The following TSHZ3 variants were observed in gnomAD, a reference collection of about 807,000 sequenced individuals.
TSHZ3 encodes the protein teashirt homolog 3.
Under a neutral mutation model 64.5 loss-of-function variants are expected in TSHZ3, and 10 were observed. That is an observed-to-expected ratio of 0.16 (90% CI 0.10 to 0.26). The LOEUF (loss-of-function observed/expected upper bound fraction) is 0.26, where lower values mean the gene tolerates loss of function less well. TSHZ3 is among the 10% of genes least tolerant of loss of function. TSHZ3 has a pLI of 1.00. For missense variants in TSHZ3, 1,242 were observed against 1,421.7 expected (o/e 0.87, Z 2.03); for synonymous variants, 608 against 593.1 (o/e 1.03, Z -0.36).
At chr19:31,191,619 G>C (rs991991871) in intron 5 of TSHZ3, among the ~76,000 whole-genome samples, 1 of 152,166 alleles carries the variant, frequency 6.6e-6, no homozygotes, top group Non-Finnish European at 1.5e-5. Flanking sequence ...CACTTTGGCA[G>C]GCTGAGGTGG....
At chr19:31,211,951 T>G (rs927973376) in intron 4 of TSHZ3, among the ~76,000 whole-genome samples, 1 of 152,188 alleles carries the variant, frequency 6.6e-6, no homozygotes, top group African/African-American at 2.4e-5. Context: ...CCAGGGTAGA[T>G]GCTTGGAGGC....
At chr19:31,345,402 T>C (rs1357858574) in intron 1 of TSHZ3, among the ~76,000 whole-genome samples, 5 of 152,220 alleles carry the variant, frequency 3.3e-5, no homozygotes, top group Admixed American at 2.0e-4. Context: ...TGGACCAGAC[T>C]TAGGAAGGTG....
chr19:31,192,999 G>T (rs1484745790), intron 5 of TSHZ3, among the ~76,000 whole-genome samples: 5 of 152,118 alleles, frequency 3.3e-5, no homozygotes, highest in Non-Finnish European at 7.4e-5. Context: ...GATGCAATAG[G>T]TACCTACAGG....
intron 5 of TSHZ3, among the ~76,000 whole-genome samples, chr19:31,188,006 A>C (rs887127496): frequency 2.0e-5 from 3 of 152,110 alleles, no homozygotes; most frequent in Non-Finnish European, 1.5e-5. Flanking sequence ...CGGAGATAGA[A>C]TATTACAGCA....
intron 1 of TSHZ3, among the ~76,000 whole-genome samples, chr19:31,292,131 G>C (rs1976577399): frequency 6.6e-6 from 1 of 152,060 alleles, no homozygotes; most frequent in South Asian, 2.1e-4. Flanking sequence ...AAAGCCATGA[G>C]GTAAATCCTG....
At chr19:31,216,132 A>G (rs1975325217) in intron 4 of TSHZ3, among the ~76,000 whole-genome samples, 1 of 152,122 alleles carries the variant, frequency 6.6e-6, no homozygotes, top group Non-Finnish European at 1.5e-5. Context: ...TCAATGGTAT[A>G]AGTGTATACA....
chr19:31,295,431 T>C (rs544546598), intron 1 of TSHZ3, among the ~76,000 whole-genome samples: 8 of 152,358 alleles, frequency 5.3e-5, no homozygotes, highest in South Asian at 2.1e-4. Context: ...GTAGAGTGAA[T>C]AAATACACAG....
At chr19:31,348,542 G>A (rs958066038) in intron 1 of TSHZ3, among the ~76,000 whole-genome samples, 9 of 151,922 alleles carry the variant, frequency 5.9e-5, no homozygotes, top group Admixed American at 3.9e-4. Flanking sequence ...GGAGATGAGG[G>A]TGGGAGCAGC....
chr19:31,214,647 G>A (rs753859954), intron 4 of TSHZ3, among the ~76,000 whole-genome samples: 63 of 152,272 alleles, frequency 4.1e-4, no homozygotes, highest in Non-Finnish European at 8.1e-4. Context: ...GGTGGCCCAC[G>A]CCTGTAATCC....
At chr19:31,343,417 G>T (rs960182922) in intron 1 of TSHZ3, among the ~76,000 whole-genome samples, 5 of 151,758 alleles carry the variant, frequency 3.3e-5, no homozygotes, top group African/African-American at 1.2e-4. Flanking sequence ...ATAATTTACA[G>T]AATTGAAAGT....
chr19:31,289,367 G>A (rs1365354587), intron 1 of TSHZ3, among the ~76,000 whole-genome samples: 2 of 152,156 alleles, frequency 1.3e-5, no homozygotes, highest in African/African-American at 4.8e-5. Flanking sequence ...CCTCACTCTG[G>A]GCAGCCTTAA....
intron 1 of TSHZ3, among the ~76,000 whole-genome samples, chr19:31,267,059 G>A (rs770748639): frequency 5.3e-5 from 8 of 152,208 alleles, no homozygotes; most frequent in Non-Finnish European, 1.2e-4. Flanking sequence ...TTCATTCACT[G>A]CGTGTTGTCA....
chr19:31,317,352 G>C (rs922688994), intron 1 of TSHZ3, among the ~76,000 whole-genome samples: 1 of 152,194 alleles, frequency 6.6e-6, no homozygotes, highest in African/African-American at 2.4e-5. Flanking sequence ...CAGCCACATC[G>C]GGACGATGGG....
downstream of TSHZ3, among the ~76,000 whole-genome samples, chr19:31,271,417 C>T (rs576348796): frequency 4.6e-5 from 7 of 152,282 alleles, no homozygotes; most frequent in East Asian, 1.9e-4. Context: ...TGGGTTTGAT[C>T]GCTGCTCTGC....
intron 1 of TSHZ3, 75 bp downstream of exon 1, chr19:31,349,105 T>A: frequency 6.7e-7 from 1 of 1,489,752 alleles, no homozygotes; most frequent in Non-Finnish European, 9.0e-7. Flanking sequence ...AGGAGCGGGG[T>A]CGCGCCCGCT....
At position 31,275,095 on chromosome 19, in the gene TSHZ3, C is replaced by T. The variant is rs1221739783; in HGVS notation, c.*1452G>A. The T allele has an allele frequency of 6.6e-6, 1 of 152,462 alleles. No homozygotes were observed. Among genetic ancestry groups the T allele is most frequent in the Non-Finnish European group, 1.5e-5 (1 of 68,024 alleles). 9.4% of individuals were successfully genotyped at this position (152,462 alleles called of 1,614,324 possible). On this transcript the variant is annotated 3_prime_UTR_variant, in exon 2 of 2. Coordinates refer to ENST00000240587, the MANE Select transcript of TSHZ3 (RefSeq NM_020856.4). The stretch of plus-strand genomic sequence containing the variant: ...CATGCCAATATTTTATACAAAGGTT[C>T]TCATATGGTGTCAGCTGTCAGTTAC...
chr19:31,316,029 A>C (rs965819527), intron 1 of TSHZ3, among the ~76,000 whole-genome samples: 1 of 152,162 alleles, frequency 6.6e-6, no homozygotes, highest in Non-Finnish European at 1.5e-5. Context: ...AGGTGTAATA[A>C]TTACTGCTAT....
chr19:31,223,297 G>A (rs1010141700), intron 4 of TSHZ3, among the ~76,000 whole-genome samples: 7 of 151,786 alleles, frequency 4.6e-5, no homozygotes, highest in African/African-American at 1.5e-4. Context: ...TGTATTTGTG[G>A]GGCCTCATGT....
rs148729767 is a variant in TSHZ3 at position 31,202,752 on chromosome 19, A to T, written n.809+2204T>A. ...TAGACTCTCACCTGAAGTGGGAGGG[A>T]TATTTTTAAAGTCAGTACATATAAT... On this transcript the variant is annotated intron_variant and non_coding_transcript_variant, in intron 5 of 6. Coordinates refer to the TSHZ3 transcript ENST00000651361. Among the ~76,000 whole-genome samples, 12 of 152,350 alleles carry T rather than the reference A, an allele frequency of 7.9e-5. No individual in the cohort carries two copies. In the East Asian group the frequency reaches 2.3e-3, roughly 29 times the overall value.
Sources: gnomAD v4.1 joint callset for allele counts (sites outside exome capture counted in the v4.1 genomes callset) on GRCh38, gnomAD v4.1.1 for gene constraint, MANE v1.5 for transcripts, NCBI Gene and HGNC (gene_info 2026-07-23, HGNC 2026-07-21) for gene names.